The following NAALADL2 variants were observed in gnomAD, a reference collection of about 807,000 sequenced individuals.
NAALADL2 encodes the protein N-acetylated alpha-linked acidic dipeptidase like 2, also known as inactive N-acetylated-alpha-linked acidic dipeptidase-like protein 2.
Under a neutral mutation model 87.2 loss-of-function variants are expected in NAALADL2, and 76 were observed. The ratio of observed to expected loss-of-function variants is 0.87; its 90% CI spans 0.72 to 1.05. The LOEUF is 1.05. Ranked by LOEUF, NAALADL2 falls within the 50% of genes least tolerant of loss-of-function variation. The probability of loss-of-function intolerance (pLI) is 0.00; values close to 1 mark genes in which losing one functional copy is unlikely to be tolerated. For synonymous variants in NAALADL2, 354 were observed against 331.0 expected, an observed-to-expected ratio of 1.07 and a Z score of -0.75; for missense variants, 1,089 against 945.8, an observed-to-expected ratio of 1.15 and a Z score of -1.99.
At position 175,737,943 on chromosome 3, in the gene NAALADL2, C is replaced by G. The variant is rs978767027; in HGVS notation, c.1990+544C>G. ...CCTTCATGTTTGAATATATCTCTCT[C>G]AGCAGAATTCTGACCCCACCCTAAT... is the stretch of plus-strand genomic sequence containing the variant. On this transcript the variant is annotated intron_variant, in intron 12 of 13. Transcript: ENST00000454872. 5.3e-5 allele frequency among the ~76,000 whole-genome samples: 8 copies of G among 151,946 alleles called. No individual in the cohort carries two copies. The South Asian group carries it at 1.7e-3, about 32-fold the overall frequency.
chr3:174,713,066 T>C (rs761867371), intron 2 of NAALADL2, among the ~76,000 whole-genome samples: 1 of 152,090 alleles, frequency 6.6e-6, no homozygotes, highest in Non-Finnish European at 1.5e-5. Flanking sequence ...TGGTTTTTTG[T>C]CCTTGCAATA....
At chr3:174,537,635 C>T (rs912086235) in intron 1 of NAALADL2, among the ~76,000 whole-genome samples, 4 of 152,036 alleles carry the variant, frequency 2.6e-5, no homozygotes, top group South Asian at 2.1e-4. Context: ...GAATACAGTA[C>T]GAGAAATGAT....
chr3:175,493,933 G>A (rs1433453596), intron 9 of NAALADL2, among the ~76,000 whole-genome samples: 2 of 152,062 alleles, frequency 1.3e-5, no homozygotes, highest in East Asian at 1.9e-4. Flanking sequence ...AACTAAGTAG[G>A]ATTAGCTTGG....
At chr3:175,670,864 C>A (rs1375453165) in intron 11 of NAALADL2, among the ~76,000 whole-genome samples, 1 of 151,074 alleles carries the variant, frequency 6.6e-6, no homozygotes, top group African/African-American at 2.4e-5. Flanking sequence ...TCAAAAAATT[C>A]AACTCAAACG....
intron 1 of NAALADL2, among the ~76,000 whole-genome samples, chr3:174,996,294 G>A (rs901496924): frequency 2.0e-5 from 3 of 151,928 alleles, no homozygotes; most frequent in East Asian, 1.9e-4. Context: ...TCAGGAGATC[G>A]AGACCATCCT....
At chr3:175,180,731 A>G (rs1474604486) in intron 2 of NAALADL2, among the ~76,000 whole-genome samples, 3 of 150,904 alleles carry the variant, frequency 2.0e-5, no homozygotes, top group African/African-American at 7.3e-5. Flanking sequence ...AATATAATGT[A>G]TAATATAATA....
At chr3:174,985,038 A>T (rs1388172971) in intron 1 of NAALADL2, among the ~76,000 whole-genome samples, 2 of 152,212 alleles carry the variant, frequency 1.3e-5, no homozygotes, top group East Asian at 1.9e-4. Context: ...AAGTGTTTTG[A>T]GAAATCTAAC....
chr3:175,213,364 A>G (rs1332379224), intron 2 of NAALADL2, among the ~76,000 whole-genome samples: 1 of 152,080 alleles, frequency 6.6e-6, no homozygotes, highest in East Asian at 1.9e-4. Flanking sequence ...AATCAAAACA[A>G]AATTTCCACT....
intron 3 of NAALADL2, among the ~76,000 whole-genome samples, chr3:174,751,126 T>G (rs952228807): frequency 2.6e-5 from 4 of 152,154 alleles, no homozygotes; most frequent in African/African-American, 9.7e-5. Flanking sequence ...GATAGTGTGC[T>G]TTTGCCTTAT....
chr3:175,270,681 C>T (rs1487693739), intron 4 of NAALADL2, among the ~76,000 whole-genome samples: 1 of 151,994 alleles, frequency 6.6e-6, no homozygotes, highest in South Asian at 2.1e-4. Context: ...TCATAAGAAT[C>T]GTCTTAGGGT....
chr3:175,593,255 A>G (rs1437548159), intron 10 of NAALADL2, among the ~76,000 whole-genome samples: 1 of 152,138 alleles, frequency 6.6e-6, no homozygotes, highest in East Asian at 1.9e-4. Context: ...CATAAATAAC[A>G]TAATATTTCC....
intron 3 of NAALADL2, among the ~76,000 whole-genome samples, chr3:175,237,652 C>G (rs28599953): frequency 6.6e-6 from 1 of 150,806 alleles, no homozygotes; most frequent in African/African-American, 2.4e-5. Flanking sequence ...TATTTTTTTT[C>G]TTTTTCACTT....
chr3:174,650,819 G>T (rs550196398), intron 2 of NAALADL2, among the ~76,000 whole-genome samples: 4 of 152,226 alleles, frequency 2.6e-5, no homozygotes, highest in African/African-American at 9.6e-5. Context: ...GTCTTAGCAC[G>T]CCAGGCTTCA....
intron 4 of NAALADL2, among the ~76,000 whole-genome samples, chr3:175,307,105 G>C (rs1478755786): frequency 6.6e-6 from 1 of 152,002 alleles, no homozygotes; most frequent in Admixed American, 6.6e-5. Flanking sequence ...TTTAAAACCA[G>C]TATTCTATTG....
At chr3:175,464,254 T>G (rs1214664872) in intron 7 of NAALADL2, among the ~76,000 whole-genome samples, 1 of 152,042 alleles carries the variant, frequency 6.6e-6, no homozygotes, top group Non-Finnish European at 1.5e-5. Flanking sequence ...GCCAAATTTG[T>G]CAAATGTCTG....
intron 1 of NAALADL2, among the ~76,000 whole-genome samples, chr3:174,971,404 A>T (rs1004891406): frequency 2.6e-5 from 4 of 152,180 alleles, no homozygotes; most frequent in African/African-American, 9.7e-5. Flanking sequence ...AGATGCCAAA[A>T]TAAGTTCCCT....
At position 175,096,794 on chromosome 3, in the gene NAALADL2, A is replaced by G; in HGVS notation, c.48A>G (p.Lys16=). 6.7e-7 allele frequency: 1 copy of G among 1,490,338 alleles called. No homozygotes were observed. The highest frequency in any genetic ancestry group is 8.9e-7 in the Non-Finnish European group (1 of 1,119,678). The allele number at this position is 1,490,338 out of a possible 1,614,324, so 92.3% of individuals were successfully genotyped here. ...ATATTTTTCTTATTTTCACAGGTAA[A>G]AAGATGGCCTATCAGAAGGTCCATG... ...ASLPNTSLQG[K]KMAYQKVHAD... The change falls in exon 2 of 14, where the codon AAA becomes AAG. Residue 16 remains lysine, a synonymous_variant. Transcript: ENST00000454872.
chr3:175,792,347 T>C (rs1752896922), intron 13 of NAALADL2, among the ~76,000 whole-genome samples: 1 of 132,656 alleles, frequency 7.5e-6, no homozygotes, highest in Admixed American at 7.1e-5. Context: ...CATTAAATCA[T>C]TCTTTCATTA....
intron 5 of NAALADL2, among the ~76,000 whole-genome samples, chr3:175,439,737 T>C (rs35433794): frequency 6.7e-6 from 1 of 149,108 alleles, no homozygotes; most frequent in Admixed American, 6.7e-5. Context: ...TTTTCTTTTT[T>C]TTCTTTTTTT....
Sources: allele counts gnomAD v4.1 joint callset (sites outside exome capture counted in the v4.1 genomes callset), GRCh38; gene constraint gnomAD v4.1.1; transcripts MANE v1.5; gene names NCBI Gene and HGNC (gene_info 2026-07-23, HGNC 2026-07-21).